The following MAX variants were observed in gnomAD, a reference collection of about 807,000 sequenced individuals.
The protein encoded by MAX is MYC associated transcriptional regulator X, also known as protein max.
MAX carries 3 observed loss-of-function variants against 22.3 expected under a neutral mutation model. That is an observed-to-expected ratio of 0.13 (90% CI 0.06 to 0.35). MAX has a LOEUF of 0.35. Ranked by LOEUF, MAX falls within the 10% of genes least tolerant of loss-of-function variation. The pLI is 1.00. For missense variants in MAX, 119 were observed against 209.4 expected, an observed-to-expected ratio of 0.57 and a Z score of 2.66; for synonymous variants, 72 against 77.7, an observed-to-expected ratio of 0.93 and a Z score of 0.39.
chr14:65,067,031 A>G (rs1485572411), intron 3 of MAX, among the ~76,000 whole-genome samples: 3 of 151,058 alleles, frequency 2.0e-5, no homozygotes. Context: ...AAAAAAAAAA[A>G]AAAAATTAGT....
intron 3 of MAX, among the ~76,000 whole-genome samples, chr14:65,026,618 C>T (rs1196903199): frequency 6.6e-6 from 1 of 152,120 alleles, no homozygotes; most frequent in Non-Finnish European, 1.5e-5. Flanking sequence ...CCAGCACTTG[C>T]AGAGGCTGCG....
chr14:65,066,159 G>A (rs2062929290), intron 3 of MAX, among the ~76,000 whole-genome samples: 1 of 152,182 alleles, frequency 6.6e-6, no homozygotes, highest in Non-Finnish European at 1.5e-5. Flanking sequence ...CAGCAAATAG[G>A]GCAGGCCCCT....
chr14:65,016,906 G>T (rs947241306), intron 3 of MAX, among the ~76,000 whole-genome samples: 1 of 147,514 alleles, frequency 6.8e-6, no homozygotes, highest in Non-Finnish European at 1.5e-5. Context: ...AATTGTCAAA[G>T]AAAGGCCCAC....
rs543543318 is a variant in MAX at position 65,054,895 on chromosome 14, C to T, written c.171+38813G>A. 4.2e-4 allele frequency among the ~76,000 whole-genome samples: 64 copies of T among 152,322 alleles called. No individual in the cohort carries two copies. The highest frequency in any genetic ancestry group is 1.4e-3 in the African/African-American group (59 of 41,562). ...GGGCAAGCTCAGGGTTCCAGATGGG[C>T]GGTCTGATCTGTCAAAGAGCTGTTG... On this transcript the variant is annotated intron_variant, in intron 3 of 3. Transcript: ENST00000341653. The surrounding 1 kb of genome is among the most constrained non-coding windows in gnomAD (Gnocchi z 4.4).
chr14:65,087,546 C>T (rs1015939546), intron 3 of MAX, among the ~76,000 whole-genome samples: 11 of 152,174 alleles, frequency 7.2e-5, no homozygotes, highest in Admixed American at 2.6e-4. Flanking sequence ...ATTTGACTGC[C>T]CTGCTGGATT....
chr14:65,022,057 G>C (rs1479730717), intron 3 of MAX: 12 of 456,022 alleles, frequency 2.6e-5, no homozygotes, highest in Non-Finnish European at 5.3e-5. Flanking sequence ...AGCAGCAGAG[G>C]CCACCCGGAA....
At chr14:65,066,879 A>T (rs544986357) in intron 3 of MAX, among the ~76,000 whole-genome samples, 1 of 150,308 alleles carries the variant, frequency 6.7e-6, no homozygotes, top group African/African-American at 2.5e-5. Context: ...AAAAAAAAAA[A>T]CAATGTATTT....
At chr14:65,026,091 G>T (rs1457517444) in intron 3 of MAX, among the ~76,000 whole-genome samples, 1 of 152,228 alleles carries the variant, frequency 6.6e-6, no homozygotes, top group Admixed American at 6.5e-5. Context: ...CTTTCTGGCA[G>T]CAGTAGCAAG....
In MAX at chr14:65,078,538, T is replaced by G. The variant is rs1321183203; in HGVS notation, c.172-502A>C. Among the ~76,000 whole-genome samples the G allele has an allele frequency of 7.3e-5, 11 of 151,324 alleles. No homozygotes were observed. Among genetic ancestry groups the G allele is most frequent in the African/African-American group, 2.7e-4 (11 of 41,266 alleles). Reference sequence around the variant, plus strand: ...TTGTTGTTGTTGTTGTTGTTGTTTTTTTTTTTTTGGAGACGTAGTCTCGCT... The same window carrying G: ...TTGTTGTTGTTGTTGTTGTTGTTTTGTTTTTTTTGGAGACGTAGTCTCGCT... On this transcript the variant is annotated intron_variant, in intron 3 of 4. Transcript: ENST00000358664. The surrounding 1 kb of genome is among the most constrained non-coding windows in gnomAD (Gnocchi z 6.4).
In MAX at chr14:65,102,490, C is replaced by G. The variant is rs1444608526; in HGVS notation, c.-151G>C. 3 of 1,494,018 alleles carry G rather than the reference C, an allele frequency of 2.0e-6. No individual in the cohort carries two copies. Among genetic ancestry groups the G allele is most frequent in the Middle Eastern group, 4.7e-4 (2 of 4,226 alleles). The allele number at this position is 1,494,018 out of a possible 1,614,324, so 92.5% of individuals were successfully genotyped here. On this transcript the variant is annotated 5_prime_UTR_variant, in exon 1 of 5. Coordinates refer to ENST00000358664, the MANE Select transcript of MAX (RefSeq NM_002382.5). ...TCGCTCTCTCACTCACACACACACA[C>G]AACACGGGCAAGAACCACCTCCTCA...
chr14:65,012,363 C>G lies in MAX; in HGVS notation c.172-6079G>C. The G allele has an allele frequency of 1.2e-6, 2 of 1,614,144 alleles. 1 individual carries two copies. Among genetic ancestry groups the G allele is most frequent in the South Asian group, 2.2e-5 (2 of 91,076 alleles). On this transcript the variant is annotated intron_variant, in intron 3 of 3. Transcript: ENST00000341653. This position sits in a 1 kb window ranked among gnomAD's most constrained non-coding sequence, Gnocchi z 5.0. Reference sequence around the variant, plus strand: ...GCACTTCCATTATCTGAAAAGAGGCCTTCGACAACTGACAGATGCCTATGA... The same window carrying G: ...GCACTTCCATTATCTGAAAAGAGGCGTTCGACAACTGACAGATGCCTATGA...
chr14:65,077,047 A>G lies in MAX; in HGVS notation c.296-384T>C. On this transcript the variant is annotated intron_variant, in intron 4 of 4. Transcript: ENST00000358664. The surrounding 1 kb of genome is among the most constrained non-coding windows in gnomAD (Gnocchi z 6.3). ...TCCACAAGGTGTGAGGCCACACAAC[A>G]GCAGGAAAGGATGACATAAGACGTA... The G allele has an allele frequency of 1.8e-6, 1 of 551,544 alleles. No homozygotes were observed. The highest frequency in any genetic ancestry group is 2.1e-5 in the South Asian group (1 of 47,900). 34.2% of individuals were successfully genotyped at this position (551,544 alleles called of 1,614,324 possible).
At chr14:65,094,461 T>C (rs900368846) in intron 2 of MAX, among the ~76,000 whole-genome samples, 3 of 152,234 alleles carry the variant, frequency 2.0e-5, no homozygotes, top group African/African-American at 4.8e-5. Flanking sequence ...TAAAAGTAGA[T>C]CCAAGGTGCT....
intron 3 of MAX, among the ~76,000 whole-genome samples, chr14:65,089,482 C>T (rs1232103990): frequency 6.6e-6 from 1 of 151,924 alleles, no homozygotes; most frequent in Non-Finnish European, 1.5e-5. Context: ...TACTATAAAC[C>T]ACTGTAGAGC....
At position 65,044,648 on chromosome 14, in the gene MAX, T is replaced by G. The variant is rs1207968515; in HGVS notation, c.172-38364A>C. On this transcript the variant is annotated intron_variant, in intron 3 of 3. Transcript: ENST00000341653. The surrounding 1 kb of genome is among the most constrained non-coding windows in gnomAD (Gnocchi z 5.5). ...CATTGGTTTAGTGTCATTCTTTGCTTCTTCAAATTGGCTGCGACAGAATGA... is the reference window on the plus strand; with the variant it reads ...CATTGGTTTAGTGTCATTCTTTGCTGCTTCAAATTGGCTGCGACAGAATGA... 1.9e-5 allele frequency: 15 copies of G among 775,640 alleles called. No homozygotes were observed. Among genetic ancestry groups the G allele is most frequent in the Non-Finnish European group, 1.9e-6 (1 of 532,476 alleles). 48.0% of individuals were successfully genotyped at this position (775,640 alleles called of 1,614,324 possible). A position where few individuals can be genotyped will look rare whatever the true frequency, so the allele number is the denominator to read the frequency against.
intron 3 of MAX, chr14:65,061,145 G>A (rs200182527): frequency 3.3e-4 from 540 of 1,611,956 alleles, no homozygotes; most frequent in Middle Eastern, 6.6e-4. Context: ...AAGGACCACC[G>A]GGGTGATTAA....
In MAX at chr14:65,044,194, C is replaced by T; in HGVS notation, c.172-37910G>A. 1 of 1,558,276 alleles carries T rather than the reference C, an allele frequency of 6.4e-7. No homozygotes were observed. On this transcript the variant is annotated intron_variant, in intron 3 of 3. Transcript: ENST00000341653. This position sits in a 1 kb window ranked among gnomAD's most constrained non-coding sequence, Gnocchi z 5.5. ...AAACCAGAGCACCAAAACTAGAGTG[C>T]CAAGAAGCCACAAGATGGGAAACCC...
At position 65,057,996 on chromosome 14, in the gene MAX, T is replaced by C. The variant is rs1032069577; in HGVS notation, c.171+35712A>G. ...CTTGTTGTTTTTCTTCAAAATTGCCTTGGCTATTCTTTGCCTTTTGCTTTT... is the reference window on the plus strand; with the variant it reads ...CTTGTTGTTTTTCTTCAAAATTGCCCTGGCTATTCTTTGCCTTTTGCTTTT... On this transcript the variant is annotated intron_variant, in intron 3 of 3. Coordinates refer to the MAX transcript ENST00000341653. 2.4e-4 allele frequency among the ~76,000 whole-genome samples: 36 copies of C among 152,256 alleles called. 1 individual carries two copies. Among genetic ancestry groups the C allele is most frequent in the African/African-American group, 8.2e-4 (34 of 41,476 alleles).
intron 3 of MAX, among the ~76,000 whole-genome samples, chr14:65,050,806 A>G (rs995004492): frequency 3.3e-5 from 5 of 152,224 alleles, no homozygotes; most frequent in Admixed American, 6.5e-5. Context: ...AGCCTTAACA[A>G]TGTTTATTCC....
Sources: gnomAD v4.1 joint callset for allele counts (sites outside exome capture counted in the v4.1 genomes callset) on GRCh38, gnomAD v4.1.1 for gene constraint, Gnocchi (gnomAD v3.1) non-coding constraint, MANE v1.5 for transcripts, NCBI Gene and HGNC (gene_info 2026-07-23, HGNC 2026-07-21) for gene names.